ENO4: variants seen among roughly 807,000 people sequenced by gnomAD.
ENO4 encodes 2-phospho-D-glycerate hydro-lyase.
In ENO4, 53 loss-of-function variants were observed where a neutral mutation model predicts 63.2. The ratio of observed to expected loss-of-function variants is 0.84; its 90% CI spans 0.67 to 1.05. ENO4 has a LOEUF of 1.05. ENO4 is among the 50% of genes least tolerant of loss of function. The pLI is 0.00. For missense variants in ENO4, 719 were observed against 772.0 expected (o/e 0.93, Z 0.81); for synonymous variants, 266 against 283.8 (o/e 0.94, Z 0.63).
Position 116,879,410 on chromosome 10 carries a change from G to C in ENO4, c.1605+52G>C, listed in dbSNP as rs147543575. On this transcript the variant is annotated intron_variant, in intron 12 of 13. Coordinates refer to ENST00000341276, the MANE Select transcript of ENO4 (RefSeq NM_001242699.2). ...CAAACACTGCTTTTATCACGAATTG[G>C]TATTTCAGAGAAATGCAGTCTCTGG... is the stretch of plus-strand genomic sequence containing the variant. 5.1e-5 allele frequency: 69 copies of C among 1,363,400 alleles called. No homozygotes were observed. In the Middle Eastern group the frequency reaches 1.1e-3, roughly 21 times the overall value. The allele number at this position is 1,363,400 out of a possible 1,614,324, so 84.5% of individuals were successfully genotyped here. A position where few individuals can be genotyped will look rare whatever the true frequency, so the allele number is the denominator to read the frequency against.
At chr10:116,875,588 T>C (rs9421252) in intron 10 of ENO4, among the ~76,000 whole-genome samples, 7,194 of 49,480 alleles carry the variant, frequency 0.15, 489 homozygotes, top group African/African-American at 0.3. Context: ...CACACACACA[T>C]GCACATGTAT....
intron 10 of ENO4, chr10:116,902,026 C>G: frequency 1.5e-6 from 2 of 1,345,758 alleles, no homozygotes; most frequent in East Asian, 2.7e-5. Flanking sequence ...TACTGAAAAA[C>G]AGATTAGCTG....
intron 8 of ENO4, among the ~76,000 whole-genome samples, chr10:116,870,828 G>A (rs1846672121): frequency 6.6e-6 from 1 of 152,114 alleles, no homozygotes; most frequent in South Asian, 2.1e-4. Context: ...TTGTGACTCA[G>A]GCTAGCCCCA....
At chr10:116,897,706 C>T (rs1419768846) in intron 10 of ENO4, among the ~76,000 whole-genome samples, 3 of 152,166 alleles carry the variant, frequency 2.0e-5, no homozygotes, top group African/African-American at 7.2e-5. Context: ...CATCAATTTA[C>T]ACACCAGGAA....
chr10:116,902,343 T>G (rs1212385168), intron 10 of ENO4, among the ~76,000 whole-genome samples: 1 of 152,220 alleles, frequency 6.6e-6, no homozygotes, highest in Non-Finnish European at 1.5e-5. Flanking sequence ...AACTCAGTTC[T>G]GCATTTTAAA....
chr10:116,852,524 C>T (rs1277019831), intron 1 of ENO4, among the ~76,000 whole-genome samples: 2 of 152,174 alleles, frequency 1.3e-5, no homozygotes, highest in South Asian at 2.1e-4. Flanking sequence ...AGTGTGAACA[C>T]CTTTTTGTAA....
At chr10:116,870,908 G>A (rs1365705071) in intron 8 of ENO4, among the ~76,000 whole-genome samples, 1 of 152,040 alleles carries the variant, frequency 6.6e-6, no homozygotes, top group African/African-American at 2.4e-5. Context: ...TGCACTCCCA[G>A]GCCAAACTTG....
At chr10:116,878,272 G>C (rs562566321) in intron 11 of ENO4, among the ~76,000 whole-genome samples, 10 of 152,338 alleles carry the variant, frequency 6.6e-5, no homozygotes, top group African/African-American at 2.2e-4. Flanking sequence ...GCAGAACTCA[G>C]AGCCAGACTG....
At chr10:116,906,720 T>C in intron 10 of ENO4, 4 of 1,613,010 alleles carry the variant, frequency 2.5e-6, no homozygotes, top group South Asian at 2.2e-5. Context: ...TTTAAGCTTC[T>C]TGAACTAGTG....
At chr10:116,907,933 A>G (rs987619477) in intron 10 of ENO4, 1 of 517,134 alleles carries the variant, frequency 1.9e-6, no homozygotes, top group Non-Finnish European at 3.9e-6. Context: ...AAGGATTCTA[A>G]TAATTCTACT....
intron 2 of ENO4, 133 bp from the exon 3 acceptor site, chr10:116,856,359 A>G (rs1391673555): frequency 4.1e-6 from 3 of 724,368 alleles, no homozygotes; most frequent in East Asian, 2.8e-5. Context: ...AATATCTCAA[A>G]GAAAATTATA....
intron 11 of ENO4, among the ~76,000 whole-genome samples, chr10:116,876,734 A>G (rs542856744): frequency 6.6e-6 from 1 of 152,068 alleles, no homozygotes; most frequent in African/African-American, 2.4e-5. Context: ...GCGGATCACG[A>G]GGTCAGGAGA....
chr10:116,904,594 T>C (rs1273307495), intron 10 of ENO4, among the ~76,000 whole-genome samples: 1 of 152,216 alleles, frequency 6.6e-6, no homozygotes, highest in Non-Finnish European at 1.5e-5. Flanking sequence ...ATGTATTTTC[T>C]ATTCTAACTG....
Position 116,871,222 on chromosome 10 carries a change from A to G in ENO4, c.1145A>G (p.Asn382Ser), listed in dbSNP as rs1846687443. Residue 382 changes from asparagine (N) to serine (S), a missense_variant, in exon 9 of 14, where the codon AAC (asparagine) becomes AGC (serine). By Grantham distance (46) the Asn-to-Ser change is conservative (BLOSUM62 1). Coordinates refer to ENST00000341276, the MANE Select transcript of ENO4 (RefSeq NM_001242699.2). ...CTTCTAATACAGGAAATCTGTGCCA[A>G]CCTGGGGCTAGAACTGGGAACAAAT... ...PLLLIQEICA[N>S]LGLELGTNLH... The G allele has an allele frequency of 1.9e-6, 3 of 1,550,480 alleles. No individual in the cohort carries two copies. Among genetic ancestry groups the G allele is most frequent in the Admixed American group, 2.0e-5 (1 of 51,000 alleles).
chr10:116,877,405 T>C (rs1336153084), intron 11 of ENO4, among the ~76,000 whole-genome samples: 1 of 152,124 alleles, frequency 6.6e-6, no homozygotes, highest in Non-Finnish European at 1.5e-5. Context: ...CCATTTTAAT[T>C]TGCATTACTT....
rs763748453 is a variant in ENO4 at position 116,849,604 on chromosome 10, C to G, written c.38C>G (p.Thr13Ser). ...GGCGGCGGCCGCAGCTGTGGGACCA[C>G]TAGGGAGCTGCAGAAGCTGAAGCAG... ...EEGGGRSCGT[T>S]RELQKLKQQA... The change falls in exon 1 of 14, where the codon ACT (threonine) becomes AGT (serine). Residue 13 changes from threonine (T) to serine (S), a missense_variant. Coordinates refer to ENST00000341276, the MANE Select transcript of ENO4 (RefSeq NM_001242699.2). 9.7e-6 allele frequency: 15 copies of G among 1,549,650 alleles called. No homozygotes were observed. Among genetic ancestry groups the G allele is most frequent in the Non-Finnish European group, 1.3e-5 (15 of 1,146,602 alleles).
rs776875302 is a variant in ENO4, at chr10:116,881,792, T to G, written c.*123T>G. On this transcript the variant is annotated 3_prime_UTR_variant, in exon 14 of 14. Coordinates refer to ENST00000341276, the MANE Select transcript of ENO4 (RefSeq NM_001242699.2). ...ACTTCACCAACTCTTGTGGTTTTTATTCTTCTAATTCCACTGTTTGGTAAA... is the reference window on the plus strand; with the variant it reads ...ACTTCACCAACTCTTGTGGTTTTTAGTCTTCTAATTCCACTGTTTGGTAAA... 48 of 707,114 alleles carry G rather than the reference T, an allele frequency of 6.8e-5. No homozygotes were observed. The highest frequency in any genetic ancestry group is 9.1e-5 in the Non-Finnish European group (44 of 484,560). 43.8% of individuals were successfully genotyped at this position (707,114 alleles called of 1,614,324 possible).
At chr10:116,852,749 G>C (rs1000672737) in intron 1 of ENO4, among the ~76,000 whole-genome samples, 19 of 152,154 alleles carry the variant, frequency 1.2e-4, no homozygotes, top group African/African-American at 4.3e-4. Flanking sequence ...AGACCCCTCA[G>C]GATATCCTGT....
rs1209905473 is a variant in ENO4, at chr10:116,856,580, C to G, written c.383C>G (p.Ala128Gly). Residue 128 changes from alanine to glycine, a missense_variant, in exon 3 of 14, where the codon GCC becomes GGC. Physicochemically the swap from Ala to Gly is moderately conservative, Grantham distance 60. This residue lies in a region of ENO4 where 544 missense variants were observed against 583.6 expected (regional missense o/e 0.93). Coordinates refer to ENST00000341276, the MANE Select transcript of ENO4 (RefSeq NM_001242699.2). ...GCCAAGGCGGAGGAGGCAGAGAGGG[C>G]CAGCGCGGTGAGCACCGCCGTGCAG... is the stretch of plus-strand genomic sequence containing the variant. ...ELAKAEEAER[A>G]SAVSTAVQWV... The G allele has an allele frequency of 2.6e-6, 4 of 1,536,116 alleles. No homozygotes were observed. Among genetic ancestry groups the G allele is most frequent in the Non-Finnish European group, 3.5e-6 (4 of 1,146,906 alleles).
Sources: gnomAD v4.1 joint callset for allele counts (sites outside exome capture counted in the v4.1 genomes callset) on GRCh38, gnomAD v4.1.1 for gene constraint, gnomAD v4.1.1 regional missense constraint, MANE v1.5 for transcripts, NCBI Gene and HGNC (gene_info 2026-07-23, HGNC 2026-07-21) for gene names.